The following ADAMTS6 variants were observed in gnomAD, a reference collection of about 807,000 sequenced individuals.
ADAMTS6 encodes ADAM metallopeptidase with thrombospondin type 1 motif 6.
Under a neutral mutation model 144.3 loss-of-function variants are expected in ADAMTS6, and 23 were observed. That is an observed-to-expected ratio of 0.16 (90% CI 0.11 to 0.23). The LOEUF (loss-of-function observed/expected upper bound fraction) is 0.23. Ranked by LOEUF, ADAMTS6 falls within the 10% of genes least tolerant of loss-of-function variation. The probability of loss-of-function intolerance (pLI) is 1.00; values close to 1 mark genes in which losing one functional copy is unlikely to be tolerated. For synonymous variants in ADAMTS6, 444 were observed against 457.5 expected (o/e 0.97, Z 0.38); for missense variants, 999 against 1,379.6 (o/e 0.72, Z 4.37).
At chr5:65,379,204 A>C (rs968992564) in intron 7 of ADAMTS6, among the ~76,000 whole-genome samples, 2 of 152,232 alleles carry the variant, frequency 1.3e-5, no homozygotes, top group Non-Finnish European at 1.5e-5. Flanking sequence ...CAATTTGTAA[A>C]GGGCAAAGAG....
chr5:65,470,640 CA>C (rs2150283301), intron 3 of ADAMTS6, 137 bp downstream of exon 3: 2 of 615,792 alleles, frequency 3.2e-6, no homozygotes, highest in East Asian at 4.1e-5. Context: ...GCAGAAATAG[CA>C]AAAAATTTTA....
chr5:65,320,555 T>TC lies in ADAMTS6; in HGVS notation c.1223+8822_1223+8823insG, dbSNP rs201896589. 9.6e-3 allele frequency among the ~76,000 whole-genome samples: 1,329 copies of TC among 138,918 alleles called. 14 individuals carry two copies. Among genetic ancestry groups the TC allele is most frequent in the Non-Finnish European group, 0.016 (1,042 of 65,160 alleles). 91.1% of individuals were successfully genotyped at this position (138,918 alleles called of 152,430 possible). ...TAGAAAAACCATTTTATTTTCTCTC[T>TC]TTTTTTTTTTTACTTTTAAGTTCAA... On this transcript the variant is annotated intron_variant, in intron 9 of 24. Transcript: ENST00000381055.
intron 3 of ADAMTS6, among the ~76,000 whole-genome samples, chr5:65,468,562 A>T (rs1760203845): frequency 6.6e-6 from 1 of 152,230 alleles, no homozygotes; most frequent in African/African-American, 2.4e-5. Flanking sequence ...AAAAAATAGT[A>T]ACTTCAGTGG....
intron 10 of ADAMTS6, among the ~76,000 whole-genome samples, chr5:65,293,860 C>A (rs759478799): frequency 6.6e-6 from 1 of 152,084 alleles, no homozygotes; most frequent in Non-Finnish European, 1.5e-5. Context: ...GTAGTCTAGA[C>A]AAGTCTTGTT....
At chr5:65,347,031 A>T (rs750877871) in intron 7 of ADAMTS6, among the ~76,000 whole-genome samples, 2 of 151,808 alleles carry the variant, frequency 1.3e-5, no homozygotes, top group African/African-American at 2.4e-5. Flanking sequence ...GACATTGATT[A>T]AAAAAATTAA....
chr5:65,226,341 G>T, intron 15 of ADAMTS6, 122 bp from the exon 16 acceptor site: 1 of 999,590 alleles, frequency 1.0e-6, no homozygotes, highest in Non-Finnish European at 1.4e-6. Context: ...ATGCCTGATT[G>T]TGTAGGTTTC....
intron 15 of ADAMTS6, among the ~76,000 whole-genome samples, chr5:65,227,702 A>G (rs1449342948): frequency 1.3e-5 from 2 of 152,218 alleles, no homozygotes; most frequent in Admixed American, 6.5e-5. Context: ...AGTATAGGAG[A>G]TGACTGCTAC....
intron 7 of ADAMTS6, among the ~76,000 whole-genome samples, chr5:65,368,521 A>T (rs563909885): frequency 1.3e-5 from 2 of 152,316 alleles, no homozygotes; most frequent in Admixed American, 1.3e-4. Context: ...GTAGGCAATG[A>T]GAGGAAGCCT....
chr5:65,396,027 C>G (rs547110869), intron 7 of ADAMTS6, among the ~76,000 whole-genome samples: 1 of 152,264 alleles, frequency 6.6e-6, no homozygotes, highest in African/African-American at 2.4e-5. Flanking sequence ...TGCTTAATCA[C>G]TAACATGGCA....
intron 14 of ADAMTS6, among the ~76,000 whole-genome samples, chr5:65,246,853 T>C (rs1280505138): frequency 2.6e-5 from 4 of 152,132 alleles, no homozygotes; most frequent in African/African-American, 7.2e-5. Flanking sequence ...TGATTAAAAA[T>C]AGACTCAGTT....
chr5:65,233,146 CAT>C lies in ADAMTS6; in HGVS notation c.1934-6929_1934-6928del, dbSNP rs149113140. On this transcript the variant is annotated intron_variant, in intron 15 of 24. Coordinates refer to ENST00000381055, the MANE Select transcript of ADAMTS6 (RefSeq NM_197941.4). ...AAAAACAGCATCTGACAAAATTCAA[CAT>C]GTTTTCATTATAAAAATTAAGTACA... 3.3e-3 allele frequency among the ~76,000 whole-genome samples: 509 copies of C among 152,116 alleles called. 3 individuals carry two copies. The highest frequency in any genetic ancestry group is 0.012 in the African/African-American group (486 of 41,524).
chr5:65,452,986 T>A, intron 4 of ADAMTS6, 68 bp from the exon 5 acceptor site: 1 of 1,192,500 alleles, frequency 8.4e-7, no homozygotes, highest in South Asian at 1.6e-5. Flanking sequence ...ATCTTTCATG[T>A]AGACATGCTT....
chr5:65,376,321 C>T (rs902746733), intron 7 of ADAMTS6, among the ~76,000 whole-genome samples: 8 of 151,932 alleles, frequency 5.3e-5, no homozygotes, highest in Admixed American at 2.6e-4. Flanking sequence ...CATGGTGGCA[C>T]GCGCCTGTAG....
At chr5:65,266,603 A>C (rs1761645570) in intron 12 of ADAMTS6, among the ~76,000 whole-genome samples, 1 of 151,950 alleles carries the variant, frequency 6.6e-6, no homozygotes, top group South Asian at 2.1e-4. Flanking sequence ...ATCCAAAGCA[A>C]GTCACTTTTC....
chr5:65,391,088 G>A (rs1230125748), intron 7 of ADAMTS6, among the ~76,000 whole-genome samples: 1 of 151,788 alleles, frequency 6.6e-6, no homozygotes, highest in Non-Finnish European at 1.5e-5. Context: ...AGCTGGCTAA[G>A]TTTTGCATTT....
intron 1 of ADAMTS6, among the ~76,000 whole-genome samples, chr5:65,480,619 A>G (rs971918588): frequency 6.6e-6 from 1 of 152,170 alleles, no homozygotes; most frequent in Non-Finnish European, 1.5e-5. Context: ...ATTGTAGCAC[A>G]TATTATCAGA....
chr5:65,380,787 T>C (rs1458858260), intron 7 of ADAMTS6, among the ~76,000 whole-genome samples: 6 of 152,222 alleles, frequency 3.9e-5, no homozygotes, highest in African/African-American at 1.2e-4. Flanking sequence ...CTTTCTCTCA[T>C]TGGTTTGTAA....
intron 7 of ADAMTS6, among the ~76,000 whole-genome samples, chr5:65,404,391 T>C (rs1170499427): frequency 1.3e-5 from 2 of 152,066 alleles, no homozygotes. Flanking sequence ...TGAGAACATA[T>C]GGTGTTTGGT....
intron 7 of ADAMTS6, among the ~76,000 whole-genome samples, chr5:65,427,564 C>A (rs1190264713): frequency 6.6e-6 from 1 of 151,150 alleles, no homozygotes; most frequent in Admixed American, 6.6e-5. Flanking sequence ...TTTGGGAGGC[C>A]GAGGCAGGCG....
Sources: allele counts gnomAD v4.1 joint callset (sites outside exome capture counted in the v4.1 genomes callset), GRCh38; gene constraint gnomAD v4.1.1; transcripts MANE v1.5; gene names NCBI Gene and HGNC (gene_info 2026-07-23, HGNC 2026-07-21).